The following IL20RA variants were observed in gnomAD, a reference collection of about 807,000 sequenced individuals.
The protein encoded by IL20RA is interleukin 20 receptor subunit alpha.
A neutral mutation model predicts 36.5 loss-of-function variants in IL20RA; 29 were observed. The ratio of observed to expected loss-of-function variants is 0.79; its 90% CI spans 0.59 to 1.08. The LOEUF (loss-of-function observed/expected upper bound fraction) is 1.08, where lower values mean the gene tolerates loss of function less well. Ranked by LOEUF, IL20RA falls within the 50% of genes least tolerant of loss-of-function variation. IL20RA has a pLI of 0.00. For missense variants in IL20RA, 652 were observed against 668.4 expected, an observed-to-expected ratio of 0.98 and a Z score of 0.27; for synonymous variants, 279 against 267.1, an observed-to-expected ratio of 1.04 and a Z score of -0.43.
chr6:137,033,090 A>G (rs1249045067), intron 1 of IL20RA, among the ~76,000 whole-genome samples: 1 of 152,350 alleles, frequency 6.6e-6, no homozygotes, highest in East Asian at 1.9e-4. Flanking sequence ...GACATTCATT[A>G]TCTCACAGCT....
intron 3 of IL20RA, among the ~76,000 whole-genome samples, chr6:137,010,811 T>C (rs963538463): frequency 3.9e-5 from 6 of 152,122 alleles, no homozygotes; most frequent in African/African-American, 1.4e-4. Flanking sequence ...AATAAAGTCA[T>C]TTTGTTCCTC....
intron 1 of IL20RA, among the ~76,000 whole-genome samples, chr6:137,032,052 C>CAAAAAAAAAAAAAA (rs11379045): frequency 2.6e-4 from 16 of 61,528 alleles, no homozygotes; most frequent in East Asian, 7.0e-4. Context: ...GATTCTGTCT[C>CAAAAAAAAAAAAAA]AAAAAAAAAA....
At position 137,002,115 on chromosome 6, in the gene IL20RA, T is replaced by C. The variant is rs762606392; in HGVS notation, c.1105A>G (p.Ile369Val). The C allele has an allele frequency of 6.2e-7, 1 of 1,614,160 alleles. No homozygotes were observed. ...HLGYASHLME[I>V]FCDSEENTEG... ...GTGTTTTCTTCAGAGTCACAAAAAA[T>C]TTCCATCAAATGCGAAGCATACCCT... Residue 369 changes from isoleucine (I) to valine (V), a missense_variant, in exon 7 of 7, where the codon ATT becomes GTT. Physicochemically the swap from Ile to Val is conservative, Grantham distance 29 (BLOSUM62 3). Transcript: ENST00000316649.
At chr6:137,003,510 C>G (rs1775154158) in intron 6 of IL20RA, among the ~76,000 whole-genome samples, 1 of 152,156 alleles carries the variant, frequency 6.6e-6, no homozygotes, top group Non-Finnish European at 1.5e-5. Context: ...AGACTGATAT[C>G]CCACTCTCGC....
intron 1 of IL20RA, among the ~76,000 whole-genome samples, chr6:137,019,588 A>C (rs1775828129): frequency 6.6e-6 from 1 of 152,054 alleles, no homozygotes; most frequent in Non-Finnish European, 1.5e-5. Flanking sequence ...AAACAAAGCA[A>C]TTTTTCTCTT....
At chr6:137,025,216 T>C (rs1309252753) in intron 1 of IL20RA, among the ~76,000 whole-genome samples, 2 of 152,214 alleles carry the variant, frequency 1.3e-5, no homozygotes, top group East Asian at 1.9e-4. Context: ...ACCCAATGTA[T>C]GGTGTTTGGA....
In IL20RA at chr6:137,001,117, A is replaced by G. The variant is rs1173448832; in HGVS notation, c.*441T>C. On this transcript the variant is annotated 3_prime_UTR_variant, in exon 7 of 7. Coordinates refer to ENST00000316649, the MANE Select transcript of IL20RA (RefSeq NM_014432.4). ...GTTTTAAGTATCTCCTCCTGCTCGC[A>G]ATAAACCCAATTCTGAAAAAGTGGT... is the stretch of plus-strand genomic sequence containing the variant. 6.5e-6 allele frequency: 1 copy of G among 153,278 alleles called. No individual in the cohort carries two copies. The highest frequency in any genetic ancestry group is 1.5e-5 in the Non-Finnish European group (1 of 68,824). 9.5% of individuals were successfully genotyped at this position (153,278 alleles called of 1,614,324 possible). A position where few individuals can be genotyped will look rare whatever the true frequency, so the allele number is the denominator to read the frequency against.
In IL20RA at chr6:137,011,591, A is replaced by G. The variant is rs559032166; in HGVS notation, c.225-139T>C. On this transcript the variant is annotated intron_variant, in intron 2 of 6. Coordinates refer to ENST00000316649, the MANE Select transcript of IL20RA (RefSeq NM_014432.4). ...AAAGTGCCTGTCATTGAGATAAAAA[A>G]GAATCCACTTTTGCGGTGGGCAATT... 20 of 568,666 alleles carry G rather than the reference A, an allele frequency of 3.5e-5. No homozygotes were observed. In the South Asian group the frequency reaches 8.8e-4, roughly 25 times the overall value. 35.2% of individuals were successfully genotyped at this position (568,666 alleles called of 1,614,324 possible).
intron 2 of IL20RA, among the ~76,000 whole-genome samples, chr6:137,014,054 A>G (rs1775587552): frequency 6.6e-6 from 1 of 152,208 alleles, no homozygotes; most frequent in Non-Finnish European, 1.5e-5. Context: ...ATGGATAAGG[A>G]GGCAAGGACA....
At chr6:137,017,791 A>G (rs1439464508) in intron 1 of IL20RA, among the ~76,000 whole-genome samples, 3 of 152,224 alleles carry the variant, frequency 2.0e-5, no homozygotes, top group African/African-American at 7.2e-5. Flanking sequence ...ATGTTCACAT[A>G]GGTGCACTCT....
chr6:137,019,727 T>C (rs1282841666), intron 1 of IL20RA, among the ~76,000 whole-genome samples: 1 of 152,228 alleles, frequency 6.6e-6, no homozygotes, highest in Non-Finnish European at 1.5e-5. Context: ...GTTGAAATGT[T>C]AGCAAACTCT....
chr6:137,029,711 CTG>C, intron 1 of IL20RA, among the ~76,000 whole-genome samples: 1 of 152,142 alleles, frequency 6.6e-6, no homozygotes. Context: ...CAAAGACAAA[CTG>C]TTTGGGACCA....
At chr6:137,026,658 AT>A (rs901115326) in intron 1 of IL20RA, among the ~76,000 whole-genome samples, 17 of 152,308 alleles carry the variant, frequency 1.1e-4, no homozygotes, top group African/African-American at 4.1e-4. Context: ...TGATTGACTA[AT>A]TTCAGGAAGC....
Position 137,010,587 on chromosome 6 carries a change from C to A in IL20RA, c.403+687G>T, listed in dbSNP as rs550555139. On this transcript the variant is annotated intron_variant, in intron 3 of 6. Transcript: ENST00000316649. ...GCACTTGCAGAGCTCATTATGGCAGCCCTGAGTGGGTCCTTCATGACTGAG... is the reference window on the plus strand; with the variant it reads ...GCACTTGCAGAGCTCATTATGGCAGACCTGAGTGGGTCCTTCATGACTGAG... Among the ~76,000 whole-genome samples the A allele has an allele frequency of 3.1e-3, 475 of 152,260 alleles. 1 individual carries two copies. The highest frequency in any genetic ancestry group is 0.011 in the African/African-American group (440 of 41,536).
rs780099085 is a variant in IL20RA at position 137,038,205 on chromosome 6, C to CTTTTTTTTTTTTTTTTT, written c.88+6419_88+6435dup. 34 of 71,452 alleles carry CTTTTTTTTTTTTTTTTT rather than the reference C, an allele frequency of 4.8e-4. 5 individuals are homozygous for CTTTTTTTTTTTTTTTTT. Among genetic ancestry groups the CTTTTTTTTTTTTTTTTT allele is most frequent in the Non-Finnish European group, 6.3e-4 (25 of 39,912 alleles). 4.4% of individuals were successfully genotyped at this position (71,452 alleles called of 1,614,324 possible). A position where few individuals can be genotyped will look rare whatever the true frequency, so the allele number is the denominator to read the frequency against. The stretch of plus-strand genomic sequence containing the variant: ...TTCTTTCTATAGTTCTTTTGTTCTC[C>CTTTTTTTTTTTTTTTTT]TTTTTTTTTTTTTTTTTTTTTTTTT... On this transcript the variant is annotated intron_variant, in intron 1 of 6. Transcript: ENST00000316649.
intron 1 of IL20RA, among the ~76,000 whole-genome samples, chr6:137,030,046 G>A (rs867941819): frequency 7.2e-6 from 1 of 138,162 alleles, no homozygotes; most frequent in Non-Finnish European, 1.6e-5. Flanking sequence ...AAGAATTATG[G>A]TGGAAAATGT....
intron 1 of IL20RA, among the ~76,000 whole-genome samples, chr6:137,041,515 A>C (rs1314040400): frequency 6.6e-6 from 1 of 152,200 alleles, no homozygotes; most frequent in Non-Finnish European, 1.5e-5. Context: ...ATAATTCTGC[A>C]AGTTTAATTA....
rs1774991509 is a variant in IL20RA at position 137,000,417 on chromosome 6, C to T, written c.*1141G>A. 1 of 152,088 alleles carries T rather than the reference C, an allele frequency of 6.6e-6. No homozygotes were observed. Among genetic ancestry groups the T allele is most frequent in the Non-Finnish European group, 1.5e-5 (1 of 68,024 alleles). 9.4% of individuals were successfully genotyped at this position (152,088 alleles called of 1,614,324 possible). A position where few individuals can be genotyped will look rare whatever the true frequency, so the allele number is the denominator to read the frequency against. On this transcript the variant is annotated 3_prime_UTR_variant, in exon 7 of 7. Coordinates refer to ENST00000316649, the MANE Select transcript of IL20RA (RefSeq NM_014432.4). ...ATGGTTCAACTTAATAGATTTTGTC[C>T]CATTTTAAAGCAGCGTGACTGAAGA... is the stretch of plus-strand genomic sequence containing the variant.
Position 137,002,211 on chromosome 6 carries a change from A to G in IL20RA, c.1009T>C (p.Ser337Pro). Residue 337 changes from serine (S) to proline (P), a missense_variant, in exon 7 of 7, where the codon TCC (serine) becomes CCC (proline). By Grantham distance (74) the Ser-to-Pro change is moderately conservative (BLOSUM62 -1). Coordinates refer to ENST00000316649, the MANE Select transcript of IL20RA (RefSeq NM_014432.4). ...CTGGGCTGAGGATCATTAAGGCTGG[A>G]TACATCACTGCTTTTTCCCAGTAAA... Reference protein sequence around the residue: ...MSLLGKSSDVSSLNDPQPSGN... With the variant: ...MSLLGKSSDVPSLNDPQPSGN... 6.2e-7 allele frequency: 1 copy of G among 1,614,162 alleles called. No individual in the cohort carries two copies. The highest frequency in any genetic ancestry group is 1.7e-5 in the Admixed American group (1 of 60,022).
Sources: allele counts gnomAD v4.1 joint callset (sites outside exome capture counted in the v4.1 genomes callset), GRCh38; gene constraint gnomAD v4.1.1; transcripts MANE v1.5; gene names NCBI Gene and HGNC (gene_info 2026-07-23, HGNC 2026-07-21).